The following LRMDA variants were observed in gnomAD, a reference collection of about 807,000 sequenced individuals.
LRMDA encodes leucine-rich melanocyte differentiation-associated protein.
In LRMDA, 18 loss-of-function variants were observed where a neutral mutation model predicts 29.8. The observed-to-expected ratio is 0.60, with a 90% CI of 0.42 to 0.90. The LOEUF is 0.90. Among genes scored for constraint, LRMDA ranks in the 40% least tolerant of loss-of-function variants. The pLI is 0.00. For missense variants in LRMDA, 273 were observed against 273.9 expected (o/e 1.00, Z 0.02); for synonymous variants, 125 against 109.4 (o/e 1.14, Z -0.89).
chr10:75,445,795 G>A (rs1273985293), intron 2 of LRMDA, among the ~76,000 whole-genome samples: 1 of 152,218 alleles, frequency 6.6e-6, no homozygotes, highest in African/African-American at 2.4e-5. Context: ...ATGTCAACCT[G>A]GCAATAAAAG....
intron 2 of LRMDA, among the ~76,000 whole-genome samples, chr10:75,444,192 A>G (rs188755611): frequency 6.6e-6 from 1 of 152,280 alleles, no homozygotes; most frequent in African/African-American, 2.4e-5. Context: ...TGCATTAACT[A>G]TGGCAAATCC....
rs186249033 is a variant in LRMDA, at chr10:75,921,315, C to T, written c.132-114693C>T. Among the ~76,000 whole-genome samples the T allele has an allele frequency of 1.8e-3, 269 of 152,332 alleles. 2 individuals carry two copies. Among genetic ancestry groups the T allele is most frequent in the Middle Eastern group, 6.8e-3 (2 of 294 alleles). ...TACTTACCCTCACAGGACTTCCACT[C>T]TGCTGATGACAGACATATATGTGTA... On this transcript the variant is annotated intron_variant, in intron 2 of 6. Coordinates refer to ENST00000611255, the MANE Select transcript of LRMDA (RefSeq NM_001305581.2).
intron 6 of LRMDA, among the ~76,000 whole-genome samples, chr10:76,353,537 G>A (rs764648955): frequency 2.6e-5 from 4 of 152,100 alleles, no homozygotes; most frequent in South Asian, 2.1e-4. Context: ...TCGAAGCTCC[G>A]CAGACTGGCT....
chr10:76,103,664 A>G (rs1589327978), intron 5 of LRMDA, among the ~76,000 whole-genome samples: 1 of 152,126 alleles, frequency 6.6e-6, no homozygotes. Flanking sequence ...TATCTCTCTC[A>G]TGATTATTTA....
At chr10:75,460,376 A>G (rs1445768324) in intron 2 of LRMDA, among the ~76,000 whole-genome samples, 2 of 152,152 alleles carry the variant, frequency 1.3e-5, no homozygotes, top group African/African-American at 4.8e-5. Flanking sequence ...CAAATGAATC[A>G]TTTGGAGAAA....
intron 5 of LRMDA, among the ~76,000 whole-genome samples, chr10:76,313,277 T>TCGAG (rs1177530571): frequency 1.3e-5 from 2 of 152,228 alleles, no homozygotes; most frequent in African/African-American, 4.8e-5. Flanking sequence ...GGAAAGTGTT[T>TCGAG]AACGCAGTTC....
At chr10:76,151,546 CAG>C (rs1395642094) in intron 5 of LRMDA, among the ~76,000 whole-genome samples, 1 of 152,202 alleles carries the variant, frequency 6.6e-6, no homozygotes, top group Non-Finnish European at 1.5e-5. Context: ...AGGGGCCAAA[CAG>C]ATATTTATTT....
At chr10:76,253,001 C>T (rs528933104) in intron 5 of LRMDA, among the ~76,000 whole-genome samples, 21 of 152,258 alleles carry the variant, frequency 1.4e-4, no homozygotes, top group African/African-American at 4.6e-4. Flanking sequence ...TGTGTATGAG[C>T]GGGGCAACTT....
intron 6 of LRMDA, among the ~76,000 whole-genome samples, chr10:76,377,578 G>A (rs1035009712): frequency 2.0e-5 from 3 of 152,098 alleles, no homozygotes; most frequent in Admixed American, 1.3e-4. Context: ...TATGGGTCCA[G>A]TTTCATTCTT....
rs570850656 is a variant in LRMDA, at chr10:76,141,501, T to A, written c.516+82718T>A. On this transcript the variant is annotated intron_variant, in intron 5 of 6. Coordinates refer to ENST00000611255, the MANE Select transcript of LRMDA (RefSeq NM_001305581.2). ...TTGTTATAGAACAAATGAATTTAGA[T>A]ATGTATGTCAAGTTTGTACACCTAA... Among the ~76,000 whole-genome samples the A allele has an allele frequency of 2.6e-5, 4 of 152,252 alleles. No individual in the cohort carries two copies. In the South Asian group the frequency reaches 8.3e-4, roughly 32 times the overall value.
intron 5 of LRMDA, among the ~76,000 whole-genome samples, chr10:76,205,018 G>A (rs998066818): frequency 2.0e-4 from 30 of 152,146 alleles, no homozygotes; most frequent in Admixed American, 1.1e-3. Context: ...CACATAATAA[G>A]TAGTCATTTT....
intron 2 of LRMDA, among the ~76,000 whole-genome samples, chr10:75,697,645 G>A (rs1268626497): frequency 6.6e-6 from 1 of 151,840 alleles, no homozygotes; most frequent in Non-Finnish European, 1.5e-5. Flanking sequence ...ATGCCTTTGT[G>A]GCATCAGAAA....
At chr10:76,466,817 T>G (rs962378589) in intron 6 of LRMDA, among the ~76,000 whole-genome samples, 2 of 151,926 alleles carry the variant, frequency 1.3e-5, no homozygotes, top group African/African-American at 4.8e-5. Flanking sequence ...AAAAAGAAAA[T>G]AAGCAGCACA....
At chr10:76,377,715 C>T (rs1337746310) in intron 6 of LRMDA, among the ~76,000 whole-genome samples, 1 of 152,148 alleles carries the variant, frequency 6.6e-6, no homozygotes, top group African/African-American at 2.4e-5. Context: ...TCTGGGTTTT[C>T]TGTTCTGTTG....
intron 2 of LRMDA, among the ~76,000 whole-genome samples, chr10:75,541,559 G>A (rs866301998): frequency 2.0e-5 from 3 of 152,206 alleles, no homozygotes; most frequent in Admixed American, 6.5e-5. Context: ...AGGGAGCCCT[G>A]AGAAATGCGT....
intron 2 of LRMDA, among the ~76,000 whole-genome samples, chr10:75,829,937 T>C (rs1844311656): frequency 6.6e-6 from 1 of 151,216 alleles, no homozygotes; most frequent in Non-Finnish European, 1.5e-5. Flanking sequence ...TGCTATTCAC[T>C]TTAAAAGCAT....
At chr10:76,283,688 A>G (rs1163506862) in intron 5 of LRMDA, among the ~76,000 whole-genome samples, 1 of 152,194 alleles carries the variant, frequency 6.6e-6, no homozygotes, top group Non-Finnish European at 1.5e-5. Flanking sequence ...TGTGATCTCC[A>G]TTTGGGGAAC....
chr10:75,692,478 CACACGTAT>C (rs1444676788), intron 2 of LRMDA, among the ~76,000 whole-genome samples: 1 of 150,286 alleles, frequency 6.7e-6, no homozygotes, highest in Non-Finnish European at 1.5e-5. Context: ...CATACACATA[CACACGTAT>C]ACATATATGT....
At chr10:76,229,213 A>G (rs779079234) in intron 5 of LRMDA, among the ~76,000 whole-genome samples, 1 of 152,196 alleles carries the variant, frequency 6.6e-6, no homozygotes, top group Non-Finnish European at 1.5e-5. Context: ...TGAAATGACA[A>G]TAGACCAATC....
Sources: gnomAD v4.1 joint callset for allele counts (sites outside exome capture counted in the v4.1 genomes callset) on GRCh38, gnomAD v4.1.1 for gene constraint, MANE v1.5 for transcripts, NCBI Gene and HGNC (gene_info 2026-07-23, HGNC 2026-07-21) for gene names.